The following HTR4 variants were observed in gnomAD, a reference collection of about 807,000 sequenced individuals.
HTR4 encodes 5-hydroxytryptamine receptor 4.
HTR4 carries 16 observed loss-of-function variants against 36.8 expected under a neutral mutation model. The observed-to-expected ratio is 0.43, with a 90% CI of 0.29 to 0.66. The LOEUF is 0.66. Ranked by LOEUF, HTR4 falls within the 30% of genes least tolerant of loss-of-function variation. The probability of loss-of-function intolerance (pLI) is 0.13; values close to 1 mark genes in which losing one functional copy is unlikely to be tolerated. For missense variants in HTR4, 438 were observed against 490.9 expected (o/e 0.89, Z 1.02); for synonymous variants, 189 against 185.1 (o/e 1.02, Z -0.17).
intron 2 of HTR4, among the ~76,000 whole-genome samples, chr5:148,603,029 A>C (rs1024232367): frequency 3.9e-5 from 6 of 152,118 alleles, no homozygotes; most frequent in Non-Finnish European, 8.8e-5. Context: ...TTAAGAAATA[A>C]ATAACACCAA....
Position 148,482,843 on chromosome 5 carries a change from G to A in HTR4, c.*360C>T, listed in dbSNP as rs1365315856. 2.3e-5 allele frequency: 25 copies of A among 1,097,580 alleles called. No individual in the cohort carries two copies. The highest frequency in any genetic ancestry group is 2.8e-5 in the Non-Finnish European group (25 of 895,302). 68.0% of individuals were successfully genotyped at this position (1,097,580 alleles called of 1,614,324 possible). A position where few individuals can be genotyped will look rare whatever the true frequency, so the allele number is the denominator to read the frequency against. Reference sequence around the variant, plus strand: ...AAAGAAGGCGTATTTGGAGACATCAGTGACCGAGATAGGACGCAGCAAGCT... The same window carrying A: ...AAAGAAGGCGTATTTGGAGACATCAATGACCGAGATAGGACGCAGCAAGCT... On this transcript the variant is annotated 3_prime_UTR_variant, in exon 7 of 7. Coordinates refer to ENST00000377888, the MANE Select transcript of HTR4 (RefSeq NM_000870.7).
At chr5:148,594,084 A>G (rs1761676585) in intron 2 of HTR4, among the ~76,000 whole-genome samples, 1 of 152,178 alleles carries the variant, frequency 6.6e-6, no homozygotes, top group Non-Finnish European at 1.5e-5. Context: ...GTCAGCAACA[A>G]TATTCTTCTT....
intron 6 of HTR4, among the ~76,000 whole-genome samples, chr5:148,485,305 A>T (rs1348667961): frequency 1.3e-5 from 2 of 152,228 alleles, no homozygotes; most frequent in Non-Finnish European, 2.9e-5. Flanking sequence ...AAGTATACAC[A>T]GTTAATAAAT....
At chr5:148,459,990 C>T (rs1755230030) in intron 5 of HTR4, among the ~76,000 whole-genome samples, 1 of 152,082 alleles carries the variant, frequency 6.6e-6, no homozygotes, top group Non-Finnish European at 1.5e-5. Flanking sequence ...GTCAAAAACA[C>T]TGCTGCAAAA....
chr5:148,520,154 T>C (rs992519307), intron 5 of HTR4, among the ~76,000 whole-genome samples: 4 of 152,152 alleles, frequency 2.6e-5, no homozygotes, highest in Non-Finnish European at 5.9e-5. Context: ...GCAATGACTT[T>C]ATAGAATTTA....
intron 2 of HTR4, among the ~76,000 whole-genome samples, chr5:148,558,593 C>T (rs916289020): frequency 6.6e-6 from 1 of 152,298 alleles, no homozygotes; most frequent in Admixed American, 6.5e-5. Context: ...ATCGAACAGC[C>T]TAACTTAGGT....
chr5:148,622,912 C>T (rs761632713), intron 2 of HTR4, among the ~76,000 whole-genome samples: 6 of 152,050 alleles, frequency 3.9e-5, no homozygotes, highest in South Asian at 2.1e-4. Flanking sequence ...TAAATATGTA[C>T]GCAAGTACCC....
downstream of HTR4, among the ~76,000 whole-genome samples, chr5:148,472,481 G>T (rs1206614786): frequency 2.6e-5 from 4 of 152,080 alleles, no homozygotes; most frequent in Admixed American, 2.6e-4. Flanking sequence ...TTTTGCTGGT[G>T]GTGCTGGTGA....
At chr5:148,573,457 G>T (rs1384238950) in intron 2 of HTR4, among the ~76,000 whole-genome samples, 1 of 152,026 alleles carries the variant, frequency 6.6e-6, no homozygotes, top group Admixed American at 6.6e-5. Context: ...CATCTCAAAT[G>T]TTCCCATTTT....
intron 4 of HTR4, among the ~76,000 whole-genome samples, chr5:148,534,051 T>C (rs553563858): frequency 1.3e-5 from 2 of 152,348 alleles, no homozygotes; most frequent in Admixed American, 6.5e-5. Flanking sequence ...ATATTTGTTA[T>C]GTGCAATGGA....
intron 5 of HTR4, among the ~76,000 whole-genome samples, chr5:148,454,480 GATGATA>G (rs1420518165): frequency 6.6e-6 from 1 of 152,124 alleles, no homozygotes; most frequent in African/African-American, 2.4e-5. Context: ...TAATGATAAT[GATGATA>G]ATGATAATGA....
intron 6 of HTR4, among the ~76,000 whole-genome samples, chr5:148,501,655 G>A (rs1756939433): frequency 6.6e-6 from 1 of 152,154 alleles, no homozygotes; most frequent in African/African-American, 2.4e-5. Context: ...CCTGTCCTTT[G>A]TAAGATTTAA....
At chr5:148,516,886 A>G (rs903999825) in intron 5 of HTR4, among the ~76,000 whole-genome samples, 4 of 152,150 alleles carry the variant, frequency 2.6e-5, no homozygotes, top group Admixed American at 2.0e-4. Flanking sequence ...AATCATGTTT[A>G]GGTTATGTTT....
chr5:148,474,721 TA>T (rs913377878), downstream of HTR4, among the ~76,000 whole-genome samples: 2 of 152,172 alleles, frequency 1.3e-5, no homozygotes, highest in Non-Finnish European at 2.9e-5. Flanking sequence ...GCCAGAAAAT[TA>T]GAGCATGGAT....
At chr5:148,623,630 A>G (rs1280027492) in intron 2 of HTR4, among the ~76,000 whole-genome samples, 6 of 152,094 alleles carry the variant, frequency 3.9e-5, no homozygotes, top group Non-Finnish European at 7.3e-5. Flanking sequence ...ATCTGGACAT[A>G]CTTAAAAACA....
At chr5:148,623,027 T>C (rs1291252629) in intron 2 of HTR4, among the ~76,000 whole-genome samples, 1 of 151,630 alleles carries the variant, frequency 6.6e-6, no homozygotes, top group African/African-American at 2.4e-5. Context: ...GGGTAGAAAA[T>C]ATGAGTTGTA....
intron 4 of HTR4, among the ~76,000 whole-genome samples, chr5:148,524,198 G>T (rs1460590502): frequency 6.6e-6 from 1 of 152,104 alleles, no homozygotes; most frequent in Admixed American, 6.6e-5. Context: ...AGGATACTCA[G>T]TTTCCTCCTT....
intron 2 of HTR4, among the ~76,000 whole-genome samples, chr5:148,597,167 A>G (rs1387314121): frequency 2.0e-5 from 3 of 152,168 alleles, no homozygotes; most frequent in Non-Finnish European, 4.4e-5. Context: ...GACATTCTCT[A>G]TGGTACTTGG....
chr5:148,588,338 C>A (rs1447368785), intron 2 of HTR4, among the ~76,000 whole-genome samples: 3 of 152,062 alleles, frequency 2.0e-5, no homozygotes, highest in African/African-American at 4.8e-5. Flanking sequence ...ACAAACCGTA[C>A]AATCAGACCT....
Sources: allele counts gnomAD v4.1 joint callset (sites outside exome capture counted in the v4.1 genomes callset), GRCh38; gene constraint gnomAD v4.1.1; transcripts MANE v1.5; gene names NCBI Gene and HGNC (gene_info 2026-07-23, HGNC 2026-07-21).